Variants in NEK3 observed in about 807,000 individuals in gnomAD.
NEK3 encodes serine/threonine-protein kinase Nek3.
In NEK3, 54 loss-of-function variants were observed where a neutral mutation model predicts 66.0. The ratio of observed to expected loss-of-function variants is 0.82; its 90% CI spans 0.66 to 1.03. The LOEUF (loss-of-function observed/expected upper bound fraction) is 1.03, where lower values mean the gene tolerates loss of function less well. NEK3 is among the 50% of genes least tolerant of loss of function. The probability of loss-of-function intolerance (pLI) is 0.00; values close to 1 mark genes in which losing one functional copy is unlikely to be tolerated. For missense variants in NEK3, 593 were observed against 603.0 expected, an observed-to-expected ratio of 0.98 and a Z score of 0.17; for synonymous variants, 200 against 206.2, an observed-to-expected ratio of 0.97 and a Z score of 0.26.
intron 2 of NEK3, among the ~76,000 whole-genome samples, chr13:52,155,332 A>G (rs1216617008): frequency 6.6e-6 from 1 of 152,228 alleles, no homozygotes; most frequent in East Asian, 1.9e-4. Flanking sequence ...AATGGTCTAC[A>G]AGGAAATAAA....
chr13:52,134,723 T>C (rs1956188537), intron 14 of NEK3, among the ~76,000 whole-genome samples: 1 of 152,188 alleles, frequency 6.6e-6, no homozygotes. Flanking sequence ...GGACCTAAAA[T>C]TGCAAAATTG....
intron 4 of NEK3, 96 bp from the exon 5 acceptor site, chr13:52,152,788 G>T: frequency 1.4e-6 from 1 of 712,358 alleles, no homozygotes; most frequent in East Asian, 2.6e-5. Flanking sequence ...TTAGTCAACC[G>T]GGATTTTACG....
At chr13:52,135,433 C>T (rs1956195173) in intron 14 of NEK3, among the ~76,000 whole-genome samples, 1 of 152,058 alleles carries the variant, frequency 6.6e-6, no homozygotes, top group Admixed American at 6.5e-5. Flanking sequence ...TTAATTGTAG[C>T]TTAAGACTGG....
At position 52,151,209 on chromosome 13, in the gene NEK3, T is replaced by A. The variant is rs746351128; in HGVS notation, c.485A>T (p.Tyr162Phe). 1 of 1,610,180 alleles carries A rather than the reference T, an allele frequency of 6.2e-7. No individual in the cohort carries two copies. Among genetic ancestry groups the A allele is most frequent in the Non-Finnish European group, 8.5e-7 (1 of 1,178,290 alleles). ...AGGCACATAATAAGGAGTTCCCACA[T>A]AGGTACAAGCAAATGCCATCGGACT... ...LSNPMAFACT[Y>F]VGTPYYVPPE... Residue 162 changes from tyrosine to phenylalanine, a missense_variant, in exon 7 of 16, where the codon TAT becomes TTT. Transcript: ENST00000610828.
Position 52,136,962 on chromosome 13 carries a change from C to A in NEK3, c.928-60G>T. The stretch of plus-strand genomic sequence containing the variant: ...GCTTGAATTGCCACAAAAAGGTAAA[C>A]AAATATGCAAAGTCAGCCATTTTAA... On this transcript the variant is annotated intron_variant, in intron 11 of 15. Coordinates refer to ENST00000610828, the MANE Select transcript of NEK3 (RefSeq NM_002498.3). 2.7e-6 allele frequency: 3 copies of A among 1,107,198 alleles called. No homozygotes were observed. The highest frequency in any genetic ancestry group is 3.6e-5 in the South Asian group (2 of 54,842). The allele number at this position is 1,107,198 out of a possible 1,614,324, so 68.6% of individuals were successfully genotyped here.
rs375496789 is a variant in NEK3, at chr13:52,133,199, G to A, written c.1464C>T (p.Pro488=). ...DTDFEEEDDN[P]DWVSELKKRA... ...GCTTCTTCAGCTCTGACACCCAGTC[G>A]GGGTTGTCATCTTCCTCCTCAAAGT... Residue 488 remains proline (P), a synonymous_variant, in exon 16 of 16, where the codon CCC becomes CCT. Transcript: ENST00000610828. 9 of 1,609,250 alleles carry A rather than the reference G, an allele frequency of 5.6e-6. No homozygotes were observed. The highest frequency in any genetic ancestry group is 1.6e-4 in the Middle Eastern group (1 of 6,062).
At chr13:52,154,800 T>C (rs2138213217) in intron 2 of NEK3, among the ~76,000 whole-genome samples, 1 of 148,074 alleles carries the variant, frequency 6.8e-6, no homozygotes, top group South Asian at 2.2e-4. Context: ...CCCTCCCCAG[T>C]GGCTGGGACT....
At chr13:52,143,800 T>A in intron 10 of NEK3, 115 bp downstream of exon 10, 1 of 635,700 alleles carries the variant, frequency 1.6e-6, no homozygotes, top group Non-Finnish European at 2.7e-6. Flanking sequence ...AAAGGTTCAT[T>A]TGAGGAGTAT....
At chr13:52,154,302 G>C in intron 2 of NEK3, 129 bp from the exon 3 acceptor site, 1 of 557,164 alleles carries the variant, frequency 1.8e-6, no homozygotes, top group East Asian at 3.0e-5. Flanking sequence ...CTCAACTTAA[G>C]TTTGTCAAAT....
intron 10 of NEK3, among the ~76,000 whole-genome samples, chr13:52,142,202 C>T (rs564715237): frequency 7.6e-4 from 115 of 152,212 alleles, no homozygotes; most frequent in African/African-American, 2.6e-3. Flanking sequence ...TTTCCCACTA[C>T]CTTGAGATGT....
At chr13:52,149,720 T>G (rs1252430589) in intron 7 of NEK3, among the ~76,000 whole-genome samples, 2 of 151,974 alleles carry the variant, frequency 1.3e-5, no homozygotes, top group Non-Finnish European at 2.9e-5. Context: ...AATACAAAAA[T>G]TAGCTGGGTG....
upstream of NEK3, chr13:52,159,651 G>A (rs1374901550): frequency 1.3e-5 from 2 of 152,382 alleles, no homozygotes; most frequent in African/African-American, 4.8e-5. Flanking sequence ...AGCCGCCTGG[G>A]TCTGGCGGGA....
intron 2 of NEK3, among the ~76,000 whole-genome samples, chr13:52,155,469 C>T (rs570199858): frequency 6.6e-6 from 1 of 152,164 alleles, no homozygotes; most frequent in South Asian, 2.1e-4. Flanking sequence ...TTTCCTGCAC[C>T]ATTAGGTATA....
intron 10 of NEK3, among the ~76,000 whole-genome samples, chr13:52,141,916 C>CT (rs1956253232): frequency 7.4e-6 from 1 of 134,566 alleles, no homozygotes; most frequent in Non-Finnish European, 1.6e-5. Context: ...CCTGTCTCTA[C>CT]TAAAAAAAAA....
chr13:52,145,500 G>A (rs186517958), intron 8 of NEK3, among the ~76,000 whole-genome samples: 69 of 151,584 alleles, frequency 4.6e-4, no homozygotes, highest in African/African-American at 1.3e-3. Flanking sequence ...TTTTTTAGAC[G>A]CAGGGTCTTG....
In NEK3 at chr13:52,144,762, G is replaced by C. The variant is rs753480430; in HGVS notation, c.733C>G (p.Arg245Gly). 6.2e-7 allele frequency: 1 copy of C among 1,613,868 alleles called. No individual in the cohort carries two copies. The highest frequency in any genetic ancestry group is 8.5e-7 in the Non-Finnish European group (1 of 1,179,858). Residue 245 changes from arginine (R) to glycine (G), a missense_variant, in exon 9 of 16, where the codon CGC (arginine) becomes GGC (glycine). Arg to Gly is a moderately radical substitution (Grantham distance 125). Coordinates refer to ENST00000610828, the MANE Select transcript of NEK3 (RefSeq NM_002498.3). ...GAGAGAAGCGTTGTAGCCGAGGGGC[G>C]ATGTGAGGGATTCCTTTTAAACATC... ...KQMFKRNPSH[R>G]PSATTLLSRG...
At chr13:52,140,148 G>A (rs777966013) in intron 11 of NEK3, among the ~76,000 whole-genome samples, 3 of 143,858 alleles carry the variant, frequency 2.1e-5, no homozygotes, top group African/African-American at 2.6e-5. Context: ...CCAGGTGTTC[G>A]AAGATGCAGT....
Position 52,154,124 on chromosome 13 carries a change from T to C in NEK3, c.167A>G (p.Lys56Arg). Residue 56 changes from lysine to arginine, a missense_variant, in exon 3 of 16, where the codon AAA (lysine) becomes AGA (arginine). Lys to Arg is a conservative substitution (Grantham distance 26). Transcript: ENST00000610828. ...NSRKEAVLLAKMKHPNIVAFK... is the reference protein window; with the variant it reads ...NSRKEAVLLARMKHPNIVAFK... ...GGCAACAATATTAGGGTGTTTCATT[T>C]TGGCTAAAAGAACAGCCTCCTTCCT... 6.2e-7 allele frequency: 1 copy of C among 1,612,194 alleles called. No individual in the cohort carries two copies. Among genetic ancestry groups the C allele is most frequent in the Non-Finnish European group, 8.5e-7 (1 of 1,178,912 alleles).
At chr13:52,144,614 G>A in intron 9 of NEK3, 77 bp downstream of exon 9, 1 of 1,157,380 alleles carries the variant, frequency 8.6e-7, no homozygotes. Flanking sequence ...CACATGTAAT[G>A]TATAATGTTA....
Sources: allele counts gnomAD v4.1 joint callset (sites outside exome capture counted in the v4.1 genomes callset), GRCh38; gene constraint gnomAD v4.1.1; transcripts MANE v1.5; gene names NCBI Gene and HGNC (gene_info 2026-07-23, HGNC 2026-07-21).